Variants in LARGE1 observed in about 807,000 individuals in gnomAD.
The protein encoded by LARGE1 is xylosyl- and glucuronyltransferase LARGE1.
LARGE1 carries 43 observed loss-of-function variants against 87.6 expected under a neutral mutation model. The ratio of observed to expected loss-of-function variants is 0.49; its 90% CI spans 0.38 to 0.63. The LOEUF (loss-of-function observed/expected upper bound fraction) is 0.63, where lower values mean the gene tolerates loss of function less well. Among genes scored for constraint, LARGE1 ranks in the 30% least tolerant of loss-of-function variants. LARGE1 has a pLI of 0.00. For synonymous variants in LARGE1, 434 were observed against 394.6 expected, an observed-to-expected ratio of 1.10 and a Z score of -1.18; for missense variants, 802 against 1,000.2, an observed-to-expected ratio of 0.80 and a Z score of 2.67.
intron 7 of LARGE1, among the ~76,000 whole-genome samples, chr22:33,407,330 G>A (rs16992279): frequency 0.13 from 19,406 of 152,080 alleles, 2,306 homozygotes; most frequent in African/African-American, 0.32. Context: ...CAGCAGGACA[G>A]CTCTAACTGC....
chr22:33,147,896 C>G, the LARGE1 span, among the ~76,000 whole-genome samples: 3 of 152,216 alleles, frequency 2.0e-5, no homozygotes, highest in African/African-American at 7.2e-5. Flanking sequence ...AACCACTGAT[C>G]TGTTCCCCAT....
intron 6 of LARGE1, among the ~76,000 whole-genome samples, chr22:33,453,818 T>A (rs2068031701): frequency 2.6e-5 from 4 of 152,200 alleles, no homozygotes; most frequent in Admixed American, 2.0e-4. Context: ...TCTAACAAAA[T>A]CTCTTTGAAA....
At chr22:33,882,419 A>G (rs1246145307) in intron 1 of LARGE1, among the ~76,000 whole-genome samples, 3 of 152,094 alleles carry the variant, frequency 2.0e-5, no homozygotes, top group Non-Finnish European at 4.4e-5. Flanking sequence ...GACTATATCC[A>G]AATCATACCA....
At chr22:33,191,092 A>G (rs1673377271) in intron 11 of LARGE1, among the ~76,000 whole-genome samples, 1 of 152,216 alleles carries the variant, frequency 6.6e-6, no homozygotes, top group Non-Finnish European at 1.5e-5. Flanking sequence ...CACAGTGTGT[A>G]GCATAGTTGA....
intron 11 of LARGE1, among the ~76,000 whole-genome samples, chr22:33,307,337 G>A (rs952394771): frequency 2.6e-5 from 4 of 152,142 alleles, no homozygotes; most frequent in African/African-American, 9.7e-5. Flanking sequence ...ATTCACATTC[G>A]GGTCTACCTC....
intron 13 of LARGE1, among the ~76,000 whole-genome samples, chr22:33,280,089 A>C (rs902859254): frequency 1.3e-5 from 2 of 152,198 alleles, no homozygotes; most frequent in African/African-American, 4.8e-5. Flanking sequence ...GAATTCAATA[A>C]ATGCTAGTTT....
intron 6 of LARGE1, among the ~76,000 whole-genome samples, chr22:33,562,086 A>G (rs2077880602): frequency 1.3e-5 from 2 of 152,184 alleles, no homozygotes; most frequent in Admixed American, 1.3e-4. Flanking sequence ...TGCCTTTATG[A>G]AGGACACTCT....
chr22:33,313,475 G>A (rs545197841), intron 11 of LARGE1, among the ~76,000 whole-genome samples: 3 of 152,262 alleles, frequency 2.0e-5, no homozygotes, highest in Non-Finnish European at 2.9e-5. Context: ...CCAGATTCCC[G>A]CCCCGCTGGC....
intron 1 of LARGE1, among the ~76,000 whole-genome samples, chr22:33,780,227 C>G (rs1268557754): frequency 6.6e-6 from 1 of 152,218 alleles, no homozygotes; most frequent in Non-Finnish European, 1.5e-5. Flanking sequence ...CAACTAATTG[C>G]ATCTGCAACA....
intron 1 of LARGE1, among the ~76,000 whole-genome samples, chr22:33,849,310 C>T (rs552758296): frequency 6.6e-6 from 1 of 152,250 alleles, no homozygotes; most frequent in East Asian, 1.9e-4. Flanking sequence ...AAGCTAATGT[C>T]GTTTTTTCAT....
chr22:33,233,905 G>C (rs2145665531), intron 11 of LARGE1, among the ~76,000 whole-genome samples: 1 of 152,274 alleles, frequency 6.6e-6, no homozygotes, highest in East Asian at 1.9e-4. Context: ...AGATTGGCGT[G>C]CCTGTGTTAT....
At chr22:33,410,981 G>A (rs1258629653) in intron 7 of LARGE1, among the ~76,000 whole-genome samples, 4 of 152,278 alleles carry the variant, frequency 2.6e-5, no homozygotes, top group Middle Eastern at 3.4e-3. Flanking sequence ...AGGAAACCAC[G>A]TTCTGAATGA....
At chr22:33,812,452 G>A (rs897329375) in intron 1 of LARGE1, among the ~76,000 whole-genome samples, 1 of 152,142 alleles carries the variant, frequency 6.6e-6, no homozygotes, top group Non-Finnish European at 1.5e-5. Context: ...TGCATACTGC[G>A]GTGCCTTTTC....
chr22:33,565,582 G>A (rs1047568140), intron 5 of LARGE1, among the ~76,000 whole-genome samples: 1 of 152,212 alleles, frequency 6.6e-6, no homozygotes, highest in East Asian at 1.9e-4. Context: ...TAGTCATCAC[G>A]CGACACTCTT....
At chr22:33,880,495 C>T (rs538260402) in intron 1 of LARGE1, among the ~76,000 whole-genome samples, 1 of 152,276 alleles carries the variant, frequency 6.6e-6, no homozygotes, top group African/African-American at 2.4e-5. Flanking sequence ...CAGACCTTAT[C>T]CGTGCACAAG....
chr22:33,664,886 CA>C (rs1459903192), intron 2 of LARGE1, among the ~76,000 whole-genome samples: 2 of 152,046 alleles, frequency 1.3e-5, no homozygotes, highest in Non-Finnish European at 2.9e-5. Context: ...GCAACAACAA[CA>C]AAAAAACTGG....
chr22:33,704,995 T>G (rs2082519169), intron 2 of LARGE1: 1 of 152,324 alleles, frequency 6.6e-6, no homozygotes. Context: ...AAATCCTCAC[T>G]GAGACATTTC....
At chr22:33,474,474 T>C (rs2068986689) in intron 6 of LARGE1, among the ~76,000 whole-genome samples, 1 of 152,190 alleles carries the variant, frequency 6.6e-6, no homozygotes, top group South Asian at 2.1e-4. Flanking sequence ...AGTCTGTCTT[T>C]TAAAAGGCAA....
At chr22:33,217,298 T>C (rs1925254562) in intron 11 of LARGE1, among the ~76,000 whole-genome samples, 1 of 151,862 alleles carries the variant, frequency 6.6e-6, no homozygotes, top group African/African-American at 2.4e-5. Context: ...TGGCATCGTC[T>C]AGGAACTTAT....
Sources: allele counts gnomAD v4.1 joint callset (sites outside exome capture counted in the v4.1 genomes callset), GRCh38; gene constraint gnomAD v4.1.1; transcripts MANE v1.5; gene names NCBI Gene and HGNC (gene_info 2026-07-23, HGNC 2026-07-21).